The following LRRC40 variants were observed in gnomAD, a reference collection of about 807,000 sequenced individuals.
LRRC40 encodes the protein leucine-rich repeat-containing protein 40.
Under a neutral mutation model 72.8 loss-of-function variants are expected in LRRC40, and 76 were observed. The observed-to-expected ratio is 1.04, with a 90% confidence interval of 0.87 to 1.26. The LOEUF is 1.26. Among genes scored for constraint, LRRC40 ranks in the 50% most tolerant of loss-of-function variants. The pLI is 0.00. For synonymous variants in LRRC40, 243 were observed against 254.2 expected, an observed-to-expected ratio of 0.96 and a Z score of 0.42; for missense variants, 684 against 698.9, an observed-to-expected ratio of 0.98 and a Z score of 0.24.
chr1:70,165,277 T>C (rs1169843340), intron 9 of LRRC40, among the ~76,000 whole-genome samples: 1 of 152,194 alleles, frequency 6.6e-6, no homozygotes, highest in Non-Finnish European at 1.5e-5. Context: ...AGAAAGTTTA[T>C]CTAAATCCTA....
intron 1 of LRRC40, among the ~76,000 whole-genome samples, chr1:70,194,996 G>T (rs1445030868): frequency 5.9e-5 from 9 of 152,162 alleles, no homozygotes; most frequent in African/African-American, 2.2e-4. Flanking sequence ...AATGGTACTG[G>T]AATAACTATA....
intron 4 of LRRC40, among the ~76,000 whole-genome samples, chr1:70,181,782 A>T (rs879807275): frequency 1.3e-5 from 2 of 151,956 alleles, no homozygotes; most frequent in Non-Finnish European, 2.9e-5. Flanking sequence ...CTCTTCATTC[A>T]CTCAAGATTG....
intron 1 of LRRC40, among the ~76,000 whole-genome samples, chr1:70,198,107 A>G (rs1668656816): frequency 6.6e-6 from 1 of 152,098 alleles, no homozygotes; most frequent in African/African-American, 2.4e-5. Flanking sequence ...TACATATTGA[A>G]TAGGGCAAAT....
intron 9 of LRRC40, among the ~76,000 whole-genome samples, chr1:70,164,042 G>A (rs1667824251): frequency 6.6e-6 from 1 of 152,104 alleles, no homozygotes; most frequent in African/African-American, 2.4e-5. Context: ...ATGGCATAAG[G>A]CAGAAGTGCT....
At chr1:70,190,119 T>C (rs1240318889) in intron 1 of LRRC40, among the ~76,000 whole-genome samples, 1 of 152,164 alleles carries the variant, frequency 6.6e-6, no homozygotes, top group Non-Finnish European at 1.5e-5. Flanking sequence ...AGCAAAACTA[T>C]TTTCAATAGA....
chr1:70,152,558 A>T lies in LRRC40; in HGVS notation c.1329-15T>A. ...GTTCTACCATCCTGAAACAAAAATA[A>T]TTTTAAAATGTTAGCACTTGAATTC... On this transcript the variant is annotated splice_polypyrimidine_tract_variant and intron_variant, in intron 11 of 14. Transcript: ENST00000370952. 7.2e-7 allele frequency: 1 copy of T among 1,393,796 alleles called. No individual in the cohort carries two copies. Among genetic ancestry groups the T allele is most frequent in the Non-Finnish European group, 1.0e-6 (1 of 983,074 alleles). 86.3% of individuals were successfully genotyped at this position (1,393,796 alleles called of 1,614,324 possible).
intron 1 of LRRC40, among the ~76,000 whole-genome samples, chr1:70,201,215 T>C (rs1668730755): frequency 6.6e-6 from 1 of 152,196 alleles, no homozygotes; most frequent in African/African-American, 2.4e-5. Context: ...AATCATAATT[T>C]GAGGTACTAA....
intron 9 of LRRC40, among the ~76,000 whole-genome samples, chr1:70,168,773 A>T (rs1667941502): frequency 6.6e-6 from 1 of 152,200 alleles, no homozygotes; most frequent in Admixed American, 6.5e-5. Context: ...TTTTTATGTC[A>T]GGGGCACATT....
rs1558104753 is a variant in LRRC40, at chr1:70,145,878, G to A, written c.1731C>T (p.Phe577=). The A allele has an allele frequency of 1.2e-6, 2 of 1,604,284 alleles. No individual in the cohort carries two copies. The highest frequency in any genetic ancestry group is 8.5e-7 in the Non-Finnish European group (1 of 1,172,094). The part of the protein sequence containing the change: ...LRTLLLDGNP[F]RVPRAAILMK... ...TTAATATGGCTGCTCGAGGAACTCGGAATGGATTTCCATCCAGTAGTAATG... is the reference window on the plus strand; with the variant it reads ...TTAATATGGCTGCTCGAGGAACTCGAAATGGATTTCCATCCAGTAGTAATG... Residue 577 remains phenylalanine (F), a synonymous_variant, in exon 15 of 15, where the codon TTC becomes TTT. Transcript: ENST00000370952.
At chr1:70,159,613 T>C (rs1667713479) in intron 9 of LRRC40, among the ~76,000 whole-genome samples, 175 bp from the exon 10 acceptor site, 1 of 152,174 alleles carries the variant, frequency 6.6e-6, no homozygotes, top group South Asian at 2.1e-4. Context: ...TAATATTTAA[T>C]TAATAGAAAA....
intron 2 of LRRC40, among the ~76,000 whole-genome samples, chr1:70,188,866 A>G (rs1409766319): frequency 6.6e-6 from 1 of 152,186 alleles, no homozygotes; most frequent in Non-Finnish European, 1.5e-5. Flanking sequence ...TAAGGCACAG[A>G]GAGGTAACTC....
intron 9 of LRRC40, among the ~76,000 whole-genome samples, chr1:70,164,801 C>T (rs1667844223): frequency 6.6e-6 from 1 of 152,142 alleles, no homozygotes; most frequent in East Asian, 1.9e-4. Context: ...ACCTCAAACC[C>T]AGTCCTTAAA....
intron 9 of LRRC40, among the ~76,000 whole-genome samples, chr1:70,171,021 G>A (rs1378315769): frequency 6.6e-6 from 1 of 152,048 alleles, no homozygotes; most frequent in Non-Finnish European, 1.5e-5. Flanking sequence ...TAGATCAACA[G>A]AATAAAACTG....
chr1:70,187,874 G>GAAGAGAAGAGAAGAC (rs1668402286), intron 2 of LRRC40, among the ~76,000 whole-genome samples: 1 of 151,396 alleles, frequency 6.6e-6, no homozygotes, highest in African/African-American at 2.4e-5. Context: ...GAAGAGAAGA[G>GAAGAGAAGAGAAGAC]AAGAGAAGAG....
intron 1 of LRRC40, among the ~76,000 whole-genome samples, chr1:70,192,930 A>G (rs1668532269): frequency 6.6e-6 from 1 of 152,098 alleles, no homozygotes; most frequent in African/African-American, 2.4e-5. Flanking sequence ...GTTCATCTAT[A>G]TAACAAACCT....
chr1:70,166,077 T>C (rs1667874311), intron 9 of LRRC40, among the ~76,000 whole-genome samples: 1 of 152,254 alleles, frequency 6.6e-6, no homozygotes, highest in South Asian at 2.1e-4. Flanking sequence ...CACATAATTG[T>C]TCTCCATATG....
At chr1:70,199,068 T>C (rs1668676762) in intron 1 of LRRC40, among the ~76,000 whole-genome samples, 1 of 152,102 alleles carries the variant, frequency 6.6e-6, no homozygotes, top group Non-Finnish European at 1.5e-5. Flanking sequence ...GGAAAATCAC[T>C]TTTGAGATAA....
chr1:70,159,495 A>T, intron 9 of LRRC40, 57 bp from the exon 10 acceptor site: 1 of 754,426 alleles, frequency 1.3e-6, no homozygotes, highest in Non-Finnish European at 2.3e-6. Flanking sequence ...CATTGTTAAA[A>T]TTCTTGATAA....
intron 1 of LRRC40, among the ~76,000 whole-genome samples, chr1:70,193,503 C>G (rs1039849072): frequency 6.6e-6 from 1 of 151,874 alleles, no homozygotes; most frequent in Non-Finnish European, 1.5e-5. Flanking sequence ...TCCAGGCAGA[C>G]ATTTTCACTG....
Sources: allele counts gnomAD v4.1 joint callset (sites outside exome capture counted in the v4.1 genomes callset), GRCh38; gene constraint gnomAD v4.1.1; transcripts MANE v1.5; gene names NCBI Gene and HGNC (gene_info 2026-07-23, HGNC 2026-07-21).